Variants in WASF1 observed in about 807,000 individuals in gnomAD.
WASF1 encodes actin-binding protein WASF1.
In WASF1, 7 loss-of-function variants were observed where a neutral mutation model predicts 50.5. The observed-to-expected ratio is 0.14, with a 90% CI of 0.08 to 0.26. The LOEUF is 0.26. Ranked by LOEUF, WASF1 falls within the 10% of genes least tolerant of loss-of-function variation. WASF1 has a pLI of 1.00. For synonymous variants in WASF1, 205 were observed against 244.0 expected (o/e 0.84, Z 1.49); for missense variants, 470 against 694.7 (o/e 0.68, Z 3.64).
At chr6:110,176,217 A>C (rs1179276790) in intron 2 of WASF1, among the ~76,000 whole-genome samples, 3 of 152,090 alleles carry the variant, frequency 2.0e-5, no homozygotes, top group African/African-American at 7.2e-5. Context: ...ATTTTTAACA[A>C]CTAGGTACTC....
intron 4 of WASF1, among the ~76,000 whole-genome samples, chr6:110,113,874 A>T (rs1488123913): frequency 1.0e-5 from 1 of 98,692 alleles, no homozygotes; most frequent in African/African-American, 6.7e-5. Flanking sequence ...ATATACAGAA[A>T]TTATAAAAAG....
chr6:110,109,621 G>A lies in WASF1; in HGVS notation c.269-940C>T, dbSNP rs534825621. Among the ~76,000 whole-genome samples, 11 of 149,594 alleles carry A rather than the reference G, an allele frequency of 7.4e-5. No homozygotes were observed. In the South Asian group the frequency reaches 8.5e-4, roughly 12 times the overall value. On this transcript the variant is annotated intron_variant, in intron 5 of 10. Coordinates refer to ENST00000392589, the MANE Select transcript of WASF1 (RefSeq NM_003931.3). ...GGCTGGAGTGCAGTGGCACGATCTC[G>A]GCTCACTGCAACCTCTTCCTCCCGG...
At chr6:110,113,050 G>A (rs1186578953) in intron 5 of WASF1, among the ~76,000 whole-genome samples, 1 of 152,056 alleles carries the variant, frequency 6.6e-6, no homozygotes, top group African/African-American at 2.4e-5. Context: ...GAAGAGAATG[G>A]AGGAAAATGT....
At chr6:110,158,948 A>AATT (rs147588428) in intron 3 of WASF1, among the ~76,000 whole-genome samples, 1 of 151,958 alleles carries the variant, frequency 6.6e-6, no homozygotes, top group South Asian at 2.1e-4. Flanking sequence ...CTATGCTAGT[A>AATT]ATTATTATTA....
At chr6:110,123,100 G>C (rs6933258) in intron 4 of WASF1, among the ~76,000 whole-genome samples, 5,671 of 152,112 alleles carry the variant, frequency 0.037, 165 homozygotes, top group South Asian at 0.12. Context: ...ATGATGTAAA[G>C]GTATATGCAA....
intron 2 of WASF1, among the ~76,000 whole-genome samples, chr6:110,168,334 G>A (rs1255432876): frequency 6.6e-6 from 1 of 151,982 alleles, no homozygotes; most frequent in Admixed American, 6.6e-5. Context: ...TAATGCTAAT[G>A]AATGAAATTA....
intron 3 of WASF1, among the ~76,000 whole-genome samples, chr6:110,141,078 G>A (rs1775211577): frequency 6.6e-6 from 1 of 151,944 alleles, no homozygotes; most frequent in Non-Finnish European, 1.5e-5. Flanking sequence ...TTGGGCCATG[G>A]TTGACCACTG....
At chr6:110,142,615 G>C (rs1775297763) in intron 3 of WASF1, among the ~76,000 whole-genome samples, 1 of 151,968 alleles carries the variant, frequency 6.6e-6, no homozygotes, top group Non-Finnish European at 1.5e-5. Flanking sequence ...TGTCAGGCTA[G>C]AAAAGAATTT....
chr6:110,167,250 C>A (rs182614136), intron 2 of WASF1, among the ~76,000 whole-genome samples: 2 of 151,736 alleles, frequency 1.3e-5, no homozygotes, highest in East Asian at 1.9e-4. Context: ...GTTTATGTAT[C>A]TACTATCCTA....
At chr6:110,169,123 T>C (rs566758443) in intron 2 of WASF1, among the ~76,000 whole-genome samples, 4 of 152,014 alleles carry the variant, frequency 2.6e-5, no homozygotes, top group South Asian at 4.2e-4. Context: ...AGTTTTGTTA[T>C]ACCTAGTTCT....
chr6:110,152,305 TGACACCCAGGGAGAA>T (rs1400904190), intron 3 of WASF1, among the ~76,000 whole-genome samples: 2 of 152,164 alleles, frequency 1.3e-5, no homozygotes, highest in Non-Finnish European at 1.5e-5. Flanking sequence ...AACCTTTTTC[TGACACCCAGGGAGAA>T]GACAGGAACC....
At chr6:110,137,659 A>G (rs746511435) in intron 3 of WASF1, among the ~76,000 whole-genome samples, 9 of 152,142 alleles carry the variant, frequency 5.9e-5, no homozygotes, top group Non-Finnish European at 1.2e-4. Flanking sequence ...TTCACTGCTG[A>G]TTTTCATTAT....
chr6:110,130,387 A>T (rs924903518), intron 3 of WASF1, among the ~76,000 whole-genome samples: 1 of 152,122 alleles, frequency 6.6e-6, no homozygotes, highest in Admixed American at 6.5e-5. Context: ...TATAATAAGC[A>T]TTTCCTTGTT....
chr6:110,116,577 T>A (rs1773819781), intron 4 of WASF1, among the ~76,000 whole-genome samples: 1 of 152,114 alleles, frequency 6.6e-6, no homozygotes, highest in Non-Finnish European at 1.5e-5. Flanking sequence ...CCTCTATAAA[T>A]TCCACCTCTT....
chr6:110,150,879 T>C (rs1343531439), intron 3 of WASF1, among the ~76,000 whole-genome samples: 1 of 151,638 alleles, frequency 6.6e-6, no homozygotes, highest in Non-Finnish European at 1.5e-5. Context: ...CTACTAAAAA[T>C]ACAAAAAATT....
At chr6:110,121,947 C>T (rs1364773366) in intron 4 of WASF1, among the ~76,000 whole-genome samples, 1 of 151,774 alleles carries the variant, frequency 6.6e-6, no homozygotes, top group Non-Finnish European at 1.5e-5. Context: ...GAAAACCAAA[C>T]ACCAGATGTT....
chr6:110,164,858 C>T (rs1231257457), intron 2 of WASF1, among the ~76,000 whole-genome samples: 1 of 151,412 alleles, frequency 6.6e-6, no homozygotes, highest in Non-Finnish European at 1.5e-5. Flanking sequence ...GAATATTCAG[C>T]GCTCAAAAGA....
intron 2 of WASF1, among the ~76,000 whole-genome samples, chr6:110,175,319 A>C (rs903126008): frequency 6.6e-6 from 1 of 152,170 alleles, no homozygotes; most frequent in Admixed American, 6.5e-5. Context: ...CTGTTTCTTG[A>C]CAGTGCTGGG....
At chr6:110,113,715 G>A (rs756461454) in intron 4 of WASF1, among the ~76,000 whole-genome samples, 2 of 151,970 alleles carry the variant, frequency 1.3e-5, no homozygotes, top group African/African-American at 4.8e-5. Context: ...TAAATACATT[G>A]AAAATTTTGG....
Sources: gnomAD v4.1 joint callset for allele counts (sites outside exome capture counted in the v4.1 genomes callset) on GRCh38, gnomAD v4.1.1 for gene constraint, MANE v1.5 for transcripts, NCBI Gene and HGNC (gene_info 2026-07-23, HGNC 2026-07-21) for gene names.